The following ZFPM2 variants were observed in gnomAD, a reference collection of about 807,000 sequenced individuals.
ZFPM2 encodes zinc finger protein, FOG family member 2.
In ZFPM2, 20 loss-of-function variants were observed where a neutral mutation model predicts 98.6. The ratio of observed to expected loss-of-function variants is 0.20; its 90% CI spans 0.14 to 0.29. ZFPM2 has a LOEUF of 0.29. ZFPM2 is among the 10% of genes least tolerant of loss of function. ZFPM2 has a pLI of 1.00. For missense variants in ZFPM2, 1,310 were observed against 1,388.6 expected (o/e 0.94, Z 0.90); for synonymous variants, 518 against 502.7 (o/e 1.03, Z -0.41).
At chr8:105,518,111 A>G (rs1051247084) in intron 3 of ZFPM2, among the ~76,000 whole-genome samples, 4 of 152,198 alleles carry the variant, frequency 2.6e-5, no homozygotes, top group African/African-American at 4.8e-5. Context: ...TTGCTATCTC[A>G]TAGACACCTT....
chr8:105,363,686 G>A (rs374112771), intron 1 of ZFPM2, among the ~76,000 whole-genome samples: 1 of 152,148 alleles, frequency 6.6e-6, no homozygotes, highest in Admixed American at 6.6e-5. Context: ...TGTGGAAGGT[G>A]CAATAATAAA....
chr8:105,748,350 G>C (rs896709491), intron 5 of ZFPM2, among the ~76,000 whole-genome samples: 1 of 152,076 alleles, frequency 6.6e-6, no homozygotes, highest in East Asian at 1.9e-4. Flanking sequence ...ATCTGAAAGA[G>C]AATACATATT....
At chr8:105,346,150 CT>C (rs1450819799) in intron 1 of ZFPM2, among the ~76,000 whole-genome samples, 2 of 152,046 alleles carry the variant, frequency 1.3e-5, no homozygotes, top group Admixed American at 1.3e-4. Context: ...CTTTGGGAGG[CT>C]GTGGCAGGTG....
chr8:105,352,747 AT>A (rs1812672312), intron 1 of ZFPM2, among the ~76,000 whole-genome samples: 1 of 152,092 alleles, frequency 6.6e-6, no homozygotes, highest in South Asian at 2.1e-4. Context: ...TGTGGTTCAG[AT>A]TTTTGTCCTG....
At chr8:105,439,260 A>C (rs1056291459) in intron 2 of ZFPM2, among the ~76,000 whole-genome samples, 8 of 152,120 alleles carry the variant, frequency 5.3e-5, no homozygotes, top group African/African-American at 1.9e-4. Context: ...TGGCTATATA[A>C]TTTTTAACAG....
chr8:105,586,304 G>A (rs2130753592), intron 4 of ZFPM2, among the ~76,000 whole-genome samples: 1 of 151,972 alleles, frequency 6.6e-6, no homozygotes, highest in South Asian at 2.1e-4. Flanking sequence ...TCTACATGTT[G>A]TCAAAAGAGC....
intron 5 of ZFPM2, among the ~76,000 whole-genome samples, chr8:105,758,681 T>C (rs560769976): frequency 2.2e-4 from 33 of 152,178 alleles, no homozygotes; most frequent in Non-Finnish European, 3.7e-4. Context: ...AAACCTTAAA[T>C]AGATCTTTAA....
intron 1 of ZFPM2, among the ~76,000 whole-genome samples, chr8:105,370,688 CT>C (rs1297976240): frequency 6.6e-6 from 1 of 152,170 alleles, no homozygotes; most frequent in Admixed American, 6.5e-5. Flanking sequence ...GATAAAGACA[CT>C]TATTGAAGAC....
At chr8:105,542,182 C>T (rs148215231) in intron 3 of ZFPM2, among the ~76,000 whole-genome samples, 170 of 152,020 alleles carry the variant, frequency 1.1e-3, no homozygotes, top group African/African-American at 3.7e-3. Context: ...GTAAAAATAT[C>T]GTAATGTTCT....
intron 5 of ZFPM2, among the ~76,000 whole-genome samples, chr8:105,643,395 T>A (rs1436046130): frequency 6.6e-6 from 1 of 152,096 alleles, no homozygotes; most frequent in Non-Finnish European, 1.5e-5. Context: ...TCTAATCACT[T>A]TCTTAGACTC....
intron 4 of ZFPM2, among the ~76,000 whole-genome samples, chr8:105,606,089 C>A (rs983299697): frequency 5.3e-5 from 8 of 152,048 alleles, no homozygotes; most frequent in African/African-American, 1.9e-4. Flanking sequence ...TTTTAAAATT[C>A]TCACATATTT....
At chr8:105,794,541 C>T (rs1813730328) in intron 6 of ZFPM2, among the ~76,000 whole-genome samples, 1 of 152,220 alleles carries the variant, frequency 6.6e-6, no homozygotes, top group Non-Finnish European at 1.5e-5. Context: ...CAGGGACCCA[C>T]TTGAGGAGGC....
chr8:105,700,941 A>G (rs1262213328), intron 5 of ZFPM2, among the ~76,000 whole-genome samples: 1 of 152,100 alleles, frequency 6.6e-6, no homozygotes, highest in African/African-American at 2.4e-5. Flanking sequence ...TTTAAATTAC[A>G]TTTTGTTTTT....
At chr8:105,700,215 G>A (rs139684428) in intron 5 of ZFPM2, among the ~76,000 whole-genome samples, 16 of 152,304 alleles carry the variant, frequency 1.1e-4, no homozygotes, top group African/African-American at 1.7e-4. Flanking sequence ...AGCAGGTTGC[G>A]TGGCAACCAG....
At chr8:105,512,656 G>A (rs1311498659) in intron 3 of ZFPM2, among the ~76,000 whole-genome samples, 1 of 152,058 alleles carries the variant, frequency 6.6e-6, no homozygotes, top group Non-Finnish European at 1.5e-5. Flanking sequence ...TGCAGAGAGA[G>A]AAATAAGCCC....
At chr8:105,411,385 T>G (rs2130037755) in intron 1 of ZFPM2, among the ~76,000 whole-genome samples, 1 of 151,910 alleles carries the variant, frequency 6.6e-6, no homozygotes, top group South Asian at 2.1e-4. Context: ...ATCCACTCAC[T>G]TTGGGCTGGG....
intron 3 of ZFPM2, among the ~76,000 whole-genome samples, chr8:105,505,742 T>C (rs1367865465): frequency 1.3e-5 from 2 of 152,112 alleles, no homozygotes; most frequent in Non-Finnish European, 2.9e-5. Flanking sequence ...TAATCACTGG[T>C]AATCAATGAG....
chr8:105,513,619 T>C (rs1340843926), intron 3 of ZFPM2, among the ~76,000 whole-genome samples: 1 of 152,266 alleles, frequency 6.6e-6, no homozygotes, highest in African/African-American at 2.4e-5. Context: ...ATTAGCACTC[T>C]TGTGAAAGAT....
intron 5 of ZFPM2, among the ~76,000 whole-genome samples, chr8:105,643,042 C>T (rs1212487341): frequency 1.3e-5 from 2 of 152,080 alleles, no homozygotes; most frequent in Non-Finnish European, 2.9e-5. Context: ...CTTGAATGCT[C>T]GTTCTGAAAA....
Sources: allele counts gnomAD v4.1 joint callset (sites outside exome capture counted in the v4.1 genomes callset), GRCh38; gene constraint gnomAD v4.1.1; transcripts MANE v1.5; gene names NCBI Gene and HGNC (gene_info 2026-07-23, HGNC 2026-07-21).